The following RPS6KB1 variants were observed in gnomAD, a reference collection of about 807,000 sequenced individuals.
The protein encoded by RPS6KB1 is ribosomal protein S6 kinase B1.
In RPS6KB1, 12 loss-of-function variants were observed where a neutral mutation model predicts 70.2. The observed-to-expected ratio is 0.17, with a 90% CI of 0.11 to 0.28. The LOEUF (loss-of-function observed/expected upper bound fraction) is 0.28, where lower values mean the gene tolerates loss of function less well. Among genes scored for constraint, RPS6KB1 ranks in the 10% least tolerant of loss-of-function variants. RPS6KB1 has a pLI of 1.00. For missense variants in RPS6KB1, 270 were observed against 646.6 expected (o/e 0.42, Z 6.32); for synonymous variants, 175 against 211.2 (o/e 0.83, Z 1.49).
intron 12 of RPS6KB1, among the ~76,000 whole-genome samples, chr17:59,939,614 G>C (rs537572531): frequency 1.3e-5 from 2 of 152,166 alleles, no homozygotes; most frequent in South Asian, 4.1e-4. Context: ...TTTTCCCTTC[G>C]TTGAATGCTG....
In RPS6KB1 at chr17:59,893,867, C is replaced by T; in HGVS notation, c.141+542C>T. ...GTAGCACTGCCGCTGCTGTTACAGCCACCAGGAGTTTTATTTCGGGAGCAA... is the reference window on the plus strand; with the variant it reads ...GTAGCACTGCCGCTGCTGTTACAGCTACCAGGAGTTTTATTTCGGGAGCAA... On this transcript the variant is annotated intron_variant, in intron 1 of 14. Transcript: ENST00000225577. The surrounding 1 kb of genome is among the most constrained non-coding windows in gnomAD (Gnocchi z 4.1). The T allele has an allele frequency of 1.0e-6, 1 of 985,166 alleles. No homozygotes were observed. The highest frequency in any genetic ancestry group is 1.2e-6 in the Non-Finnish European group (1 of 829,940). 61.0% of individuals were successfully genotyped at this position (985,166 alleles called of 1,614,324 possible). A position where few individuals can be genotyped will look rare whatever the true frequency, so the allele number is the denominator to read the frequency against.
At chr17:59,923,358 T>C (rs2043394684) in intron 4 of RPS6KB1, among the ~76,000 whole-genome samples, 1 of 152,036 alleles carries the variant, frequency 6.6e-6, no homozygotes, top group African/African-American at 2.4e-5. Context: ...ACGTGGCTAA[T>C]TCTTGTATTT....
intron 2 of RPS6KB1, chr17:59,912,405 A>G: frequency 3.4e-6 from 1 of 294,324 alleles, no homozygotes; most frequent in Non-Finnish European, 6.6e-6. Flanking sequence ...GCATCTACCC[A>G]ATGAAAAACC....
chr17:59,947,511 T>A lies in RPS6KB1; in HGVS notation c.*723T>A. 1.3e-6 allele frequency: 2 copies of A among 1,517,866 alleles called. No homozygotes were observed. The highest frequency in any genetic ancestry group is 1.8e-6 in the Non-Finnish European group (2 of 1,127,998). 94.0% of individuals were successfully genotyped at this position (1,517,866 alleles called of 1,614,324 possible). ...ATTGGGGTGGACCTGGGGTTTATTT[T>A]CAGTAACCCAGCTGCAATACCTGTC... On this transcript the variant is annotated 3_prime_UTR_variant, in exon 15 of 15. Transcript: ENST00000225577.
At chr17:59,937,129 T>C (rs2044290143) in intron 12 of RPS6KB1, among the ~76,000 whole-genome samples, 1 of 152,226 alleles carries the variant, frequency 6.6e-6, no homozygotes, top group Non-Finnish European at 1.5e-5. Flanking sequence ...CTCAAAGTGC[T>C]GGGATTACAG....
intron 12 of RPS6KB1, 64 bp from the exon 13 acceptor site, chr17:59,940,772 A>G (rs1490558310): frequency 6.3e-6 from 6 of 957,070 alleles, no homozygotes; most frequent in East Asian, 5.2e-5. Flanking sequence ...CAGAGCTTAC[A>G]GTGCATTTGA....
rs547082557 is a variant in RPS6KB1, at chr17:59,932,228, C to T, written c.688+506C>T. The stretch of plus-strand genomic sequence containing the variant: ...AAGACGCCTGGCCAACATGGTGAAA[C>T]CCCATCTCTACAAAAATACAAAAAA... On this transcript the variant is annotated intron_variant, in intron 7 of 14. Transcript: ENST00000225577. Among the ~76,000 whole-genome samples the T allele has an allele frequency of 3.0e-4, 46 of 151,060 alleles. No individual in the cohort carries two copies. In the East Asian group the frequency reaches 8.6e-3, roughly 28 times the overall value.
chr17:59,919,232 AGT>A (rs1271310547), intron 4 of RPS6KB1, among the ~76,000 whole-genome samples: 11 of 152,120 alleles, frequency 7.2e-5, no homozygotes, highest in African/African-American at 2.7e-4. Context: ...TTCAAATAAT[AGT>A]GTCTGTAGGG....
intron 1 of RPS6KB1, among the ~76,000 whole-genome samples, chr17:59,901,109 C>T (rs1046353771): frequency 9.3e-5 from 14 of 151,344 alleles, no homozygotes; most frequent in Admixed American, 7.9e-4. Flanking sequence ...TCCCATGAGC[C>T]GAGATTGCAC....
At chr17:59,943,127 A>G (rs2044713183) in intron 13 of RPS6KB1, among the ~76,000 whole-genome samples, 1 of 152,232 alleles carries the variant, frequency 6.6e-6, no homozygotes. Flanking sequence ...ATAGTCTTAC[A>G]GTATTACATA....
At chr17:59,903,371 A>T (rs915083100) in intron 1 of RPS6KB1, among the ~76,000 whole-genome samples, 1 of 151,222 alleles carries the variant, frequency 6.6e-6, no homozygotes, top group Non-Finnish European at 1.5e-5. Flanking sequence ...GCTGTTCGGG[A>T]GGCTGAAGTG....
At chr17:59,928,615 G>T (rs2043763157) in intron 5 of RPS6KB1, among the ~76,000 whole-genome samples, 2 of 152,110 alleles carry the variant, frequency 1.3e-5, no homozygotes, top group South Asian at 2.1e-4. Context: ...CTCCCAAAGT[G>T]CTGGGATTAC....
At chr17:59,906,215 T>C (rs1028386104) in intron 1 of RPS6KB1, among the ~76,000 whole-genome samples, 3 of 152,188 alleles carry the variant, frequency 2.0e-5, no homozygotes, top group Non-Finnish European at 2.9e-5. Context: ...ATTCTGTTGA[T>C]CTATATGTCT....
At chr17:59,901,642 A>G (rs1488647080) in intron 1 of RPS6KB1, among the ~76,000 whole-genome samples, 32 of 149,678 alleles carry the variant, frequency 2.1e-4, no homozygotes, top group African/African-American at 3.5e-4. Flanking sequence ...AAAAAAAAAA[A>G]AAAAGAAAAA....
At chr17:59,930,320 G>C (rs2043859476) in intron 6 of RPS6KB1, 146 bp downstream of exon 6, 2 of 694,876 alleles carry the variant, frequency 2.9e-6, no homozygotes, top group Admixed American at 4.3e-5. Context: ...TTTTGGGACT[G>C]GGCAGCTATG....
In RPS6KB1 at chr17:59,948,136, G is replaced by A. The variant is rs2045035283; in HGVS notation, c.*1348G>A. ...AAATTGTAACAAAATCTACATAAATGATTTACAGGTTAAAAGAATAAAAAT... is the reference window on the plus strand; with the variant it reads ...AAATTGTAACAAAATCTACATAAATAATTTACAGGTTAAAAGAATAAAAAT... On this transcript the variant is annotated 3_prime_UTR_variant, in exon 15 of 15. Coordinates refer to ENST00000225577, the MANE Select transcript of RPS6KB1 (RefSeq NM_003161.4). The A allele has an allele frequency of 6.6e-6, 1 of 152,540 alleles. No individual in the cohort carries two copies. The highest frequency in any genetic ancestry group is 1.5e-5 in the Non-Finnish European group (1 of 68,068). 9.4% of individuals were successfully genotyped at this position (152,540 alleles called of 1,614,324 possible). A position where few individuals can be genotyped will look rare whatever the true frequency, so the allele number is the denominator to read the frequency against.
intron 13 of RPS6KB1, among the ~76,000 whole-genome samples, chr17:59,941,319 C>CTTTTTTTT (rs34530239): frequency 1.6e-5 from 2 of 125,034 alleles, no homozygotes; most frequent in African/African-American, 2.9e-5. Context: ...ATTTTTGGTA[C>CTTTTTTTT]TTTTTTTTTT....
chr17:59,920,358 T>C (rs1216103849), intron 4 of RPS6KB1, among the ~76,000 whole-genome samples: 2 of 152,202 alleles, frequency 1.3e-5, no homozygotes, highest in Non-Finnish European at 2.9e-5. Flanking sequence ...AGAACTACTT[T>C]AAAGACAATC....
At chr17:59,902,219 C>G (rs2042000770) in intron 1 of RPS6KB1, among the ~76,000 whole-genome samples, 1 of 149,736 alleles carries the variant, frequency 6.7e-6, no homozygotes. Context: ...ATTTTCCTGC[C>G]TCACCCTCCT....
Sources: gnomAD v4.1 joint callset for allele counts (sites outside exome capture counted in the v4.1 genomes callset) on GRCh38, gnomAD v4.1.1 for gene constraint, Gnocchi (gnomAD v3.1) non-coding constraint, MANE v1.5 for transcripts, NCBI Gene and HGNC (gene_info 2026-07-23, HGNC 2026-07-21) for gene names.